The following ARK2C variants were observed in gnomAD, a reference collection of about 807,000 sequenced individuals.
ARK2C encodes E3 ubiquitin-protein ligase ARK2C.
chr18:46,397,224 G>A, the ARK2C span, among the ~76,000 whole-genome samples: 3 of 152,204 alleles, frequency 2.0e-5, no homozygotes, highest in East Asian at 1.9e-4. Context: ...CCCTCCTTCA[G>A]CCTTTCCTAG....
the ARK2C span, chr18:46,460,149 C>T: frequency 6.5e-6 from 1 of 152,852 alleles, no homozygotes; most frequent in East Asian, 1.9e-4. Flanking sequence ...GTATTCTTAA[C>T]TCTTTACGCC....
At chr18:46,456,443 C>T in the ARK2C span, 1 of 1,071,382 alleles carries the variant, frequency 9.3e-7, no homozygotes, top group Non-Finnish European at 1.4e-6. Context: ...CCCCAGGAGT[C>T]CTAGGTGTGT....
chr18:46,335,449 T>C, the ARK2C span: 1 of 152,236 alleles, frequency 6.6e-6, no homozygotes, highest in Non-Finnish European at 1.5e-5. Flanking sequence ...AAATCCGAGA[T>C]GCATTTAGAT....
At chr18:46,401,924 G>T in the ARK2C span, among the ~76,000 whole-genome samples, 2 of 152,132 alleles carry the variant, frequency 1.3e-5, no homozygotes, top group Non-Finnish European at 2.9e-5. Flanking sequence ...CTTTCAGGAA[G>T]GTTTATTTAC....
At chr18:46,396,983 G>A in the ARK2C span, among the ~76,000 whole-genome samples, 3 of 152,246 alleles carry the variant, frequency 2.0e-5, no homozygotes, top group African/African-American at 7.2e-5. Flanking sequence ...CTGGAAGGGT[G>A]GCCTATGGCT....
chr18:46,455,379 GCA>G, the ARK2C span, among the ~76,000 whole-genome samples: 1 of 152,152 alleles, frequency 6.6e-6, no homozygotes, highest in African/African-American at 2.4e-5. Context: ...GGGAAACTGT[GCA>G]CAGTCATAGC....
the ARK2C span, among the ~76,000 whole-genome samples, chr18:46,415,119 C>T: frequency 1.3e-5 from 2 of 152,136 alleles, no homozygotes; most frequent in Non-Finnish European, 2.9e-5. Context: ...CTGTGTCAGT[C>T]CAGAGTGTCC....
chr18:46,380,918 A>G, the ARK2C span, among the ~76,000 whole-genome samples: 1 of 152,202 alleles, frequency 6.6e-6, no homozygotes, highest in Non-Finnish European at 1.5e-5. Context: ...GAGGAAGGCT[A>G]CACAGAGAGC....
At chr18:46,416,706 G>A in the ARK2C span, among the ~76,000 whole-genome samples, 77 of 152,378 alleles carry the variant, frequency 5.1e-4, no homozygotes, top group African/African-American at 1.7e-3. Flanking sequence ...CATTGCTGCA[G>A]TCAGCTGGGA....
At chr18:46,438,979 G>T in the ARK2C span, among the ~76,000 whole-genome samples, 1 of 152,220 alleles carries the variant, frequency 6.6e-6, no homozygotes, top group Non-Finnish European at 1.5e-5. Context: ...AGAAGGGATG[G>T]ACTTGGGACA....
At chr18:46,415,289 G>T in the ARK2C span, among the ~76,000 whole-genome samples, 1 of 152,196 alleles carries the variant, frequency 6.6e-6, no homozygotes, top group South Asian at 2.1e-4. Flanking sequence ...GGGAGGCCGA[G>T]GTGGGCGGAT....
chr18:46,334,671 C>CGTGTGTGTGTGT, the ARK2C span: 8 of 304,718 alleles, frequency 2.6e-5, no homozygotes, highest in Non-Finnish European at 1.7e-5. The surrounding 1 kb of genome is among the most constrained non-coding windows in gnomAD (Gnocchi z 4.4). Flanking sequence ...GATACATGAC[C>CGTGTGTGTGTGT]GTGTGTGTGT....
At chr18:46,361,420 G>T in the ARK2C span, among the ~76,000 whole-genome samples, 1 of 152,134 alleles carries the variant, frequency 6.6e-6, no homozygotes, top group Admixed American at 6.5e-5. Context: ...CAGCATATAT[G>T]TACATTAATA....
At chr18:46,359,079 A>G in the ARK2C span, among the ~76,000 whole-genome samples, 1 of 152,278 alleles carries the variant, frequency 6.6e-6, no homozygotes, top group Admixed American at 6.5e-5. Flanking sequence ...CTCCCCGTAA[A>G]AGGAGAGGCA....
the ARK2C span, among the ~76,000 whole-genome samples, chr18:46,381,181 A>G: frequency 2.0e-5 from 3 of 152,248 alleles, no homozygotes; most frequent in African/African-American, 7.2e-5. Context: ...TGTTTTTGTC[A>G]GCCAGGCATT....
At chr18:46,403,062 G>C in the ARK2C span, among the ~76,000 whole-genome samples, 5 of 152,222 alleles carry the variant, frequency 3.3e-5, no homozygotes, top group Non-Finnish European at 7.3e-5. Context: ...TCTCAGGCAG[G>C]CTGCCCCTCC....
chr18:46,366,758 A>ATT, the ARK2C span, among the ~76,000 whole-genome samples: 1 of 152,304 alleles, frequency 6.6e-6, no homozygotes, highest in African/African-American at 2.4e-5. Flanking sequence ...GATTATGTGC[A>ATT]TTCTTTTATT....
At chr18:46,375,001 G>A in the ARK2C span, among the ~76,000 whole-genome samples, 1,646 of 152,266 alleles carry the variant, frequency 0.011, 17 homozygotes, top group East Asian at 0.055. Flanking sequence ...CCCCAGCCAG[G>A]CCCCAGGCCC....
chr18:46,391,243 G>GT, the ARK2C span, among the ~76,000 whole-genome samples: 1 of 152,192 alleles, frequency 6.6e-6, no homozygotes, highest in South Asian at 2.1e-4. Flanking sequence ...TAGTCTTGAG[G>GT]TGGGAGGCTG....
Sources: allele counts gnomAD v4.1 joint callset (sites outside exome capture counted in the v4.1 genomes callset), GRCh38; gene constraint gnomAD v4.1.1; non-coding constraint Gnocchi (gnomAD v3.1); transcripts MANE v1.5; gene names NCBI Gene and HGNC (gene_info 2026-07-23, HGNC 2026-07-21).